The following NRXN2 variants were observed in gnomAD, a reference collection of about 807,000 sequenced individuals.
The protein encoded by NRXN2 is neurexin 2, also known as neurexin-2-beta.
NRXN2 carries 29 observed loss-of-function variants against 128.8 expected under a neutral mutation model. The ratio of observed to expected loss-of-function variants is 0.23; its 90% confidence interval spans 0.17 to 0.31. NRXN2 has a LOEUF of 0.31. NRXN2 is among the 10% of genes least tolerant of loss of function. NRXN2 has a pLI of 1.00. For synonymous variants in NRXN2, 1,098 were observed against 1,075.2 expected, an observed-to-expected ratio of 1.02 and a Z score of -0.41; for missense variants, 1,881 against 2,452.6, an observed-to-expected ratio of 0.77 and a Z score of 4.92.
intron 19 of NRXN2, 103 bp from the exon 20 acceptor site, chr11:64,626,655 C>T (rs963839528): frequency 1.2e-6 from 1 of 857,608 alleles, no homozygotes; most frequent in Non-Finnish European, 2.0e-6. Flanking sequence ...TAAGCAGCAA[C>T]ATCCACGGAA....
chr11:64,678,182 C>T (rs1156856214), intron 6 of NRXN2, among the ~76,000 whole-genome samples: 4 of 152,082 alleles, frequency 2.6e-5, no homozygotes. Context: ...GGAAATGTTG[C>T]CCTCCACGGA....
At chr11:64,715,572 G>C (rs1018883135) in intron 1 of NRXN2, among the ~76,000 whole-genome samples, 1 of 152,116 alleles carries the variant, frequency 6.6e-6, no homozygotes, top group African/African-American at 2.4e-5. Context: ...AGGAAGATGG[G>C]GCAGAAAAGG....
At chr11:64,688,482 G>C in intron 5 of NRXN2, 1 of 985,454 alleles carries the variant, frequency 1.0e-6, no homozygotes, top group Non-Finnish European at 1.2e-6. Context: ...GACTGGTGGA[G>C]GGATTCTACT....
chr11:64,638,134 A>T (rs2045058610), intron 17 of NRXN2, among the ~76,000 whole-genome samples: 1 of 152,120 alleles, frequency 6.6e-6, no homozygotes, highest in Admixed American at 6.5e-5. Context: ...GACAGGGCGC[A>T]CGCGTCCCCG....
chr11:64,708,098 CA>C (rs1333066704), intron 2 of NRXN2, among the ~76,000 whole-genome samples: 1,322 of 128,076 alleles, frequency 0.01, 9 homozygotes, highest in African/African-American at 0.031. Flanking sequence ...AACTCCGTCT[CA>C]AAAAAAAAAA....
At chr11:64,641,069 G>A (rs778680484) in intron 17 of NRXN2, among the ~76,000 whole-genome samples, 11 of 152,132 alleles carry the variant, frequency 7.2e-5, no homozygotes, top group African/African-American at 1.7e-4. Flanking sequence ...GGTACAAAGC[G>A]AGAACTGATG....
At chr11:64,663,983 G>T (rs747597264) in intron 9 of NRXN2, among the ~76,000 whole-genome samples, 1 of 152,216 alleles carries the variant, frequency 6.6e-6, no homozygotes, top group Non-Finnish European at 1.5e-5. Context: ...CGGAGGTACC[G>T]AGAGTAGCCA....
Position 64,651,114 on chromosome 11 carries a change from C to G in NRXN2, c.2918+141G>C, listed in dbSNP as rs139449221. ...CATCTTGGCTGAAGAGGGAGCCTCT[C>G]GACTTACGGTCGGGGACCTGAATCT... On this transcript the variant is annotated intron_variant, in intron 14 of 22. Transcript: ENST00000265459. This position sits in a 1 kb window ranked among gnomAD's most constrained non-coding sequence, Gnocchi z 5.9. 5.2e-6 allele frequency: 6 copies of G among 1,163,540 alleles called. No individual in the cohort carries two copies. Among genetic ancestry groups the G allele is most frequent in the Non-Finnish European group, 7.5e-6 (6 of 798,572 alleles). The allele number at this position is 1,163,540 out of a possible 1,614,324, so 72.1% of individuals were successfully genotyped here.
rs566949975 is a variant in NRXN2, at chr11:64,702,991, A to G, written c.731-5199T>C. On this transcript the variant is annotated intron_variant, in intron 2 of 22. Coordinates refer to ENST00000265459, the MANE Select transcript of NRXN2 (RefSeq NM_015080.4). ...GTCTCTAAAAAAAAAAAAAAAAAAA[A>G]AAAGAAAGAAAGAATTAAAAAAAAA... is the stretch of plus-strand genomic sequence containing the variant. 2.7e-4 allele frequency among the ~76,000 whole-genome samples: 41 copies of G among 149,990 alleles called. No homozygotes were observed. In the Middle Eastern group the frequency reaches 0.014, roughly 51 times the overall value.
intron 2 of NRXN2, among the ~76,000 whole-genome samples, chr11:64,704,817 G>A (rs2056049034): frequency 6.6e-6 from 1 of 152,206 alleles, no homozygotes; most frequent in African/African-American, 2.4e-5. Flanking sequence ...TGACAGTTTG[G>A]CATAATACCT....
At chr11:64,626,118 C>A (rs2043036480) in intron 20 of NRXN2, among the ~76,000 whole-genome samples, 1 of 152,164 alleles carries the variant, frequency 6.6e-6, no homozygotes, top group Non-Finnish European at 1.5e-5. Flanking sequence ...AACCTACCTC[C>A]AAGCTGCATT....
intron 2 of NRXN2, among the ~76,000 whole-genome samples, chr11:64,700,175 TG>T (rs1184499424): frequency 6.6e-6 from 1 of 152,210 alleles, no homozygotes; most frequent in African/African-American, 2.4e-5. Flanking sequence ...TCCTCAGTGA[TG>T]GCTCATTTTC....
At chr11:64,643,744 G>C (rs1211831218) in intron 17 of NRXN2, among the ~76,000 whole-genome samples, 1 of 151,782 alleles carries the variant, frequency 6.6e-6, no homozygotes. Flanking sequence ...CCTCTCCTCT[G>C]CGCGCGCCCG....
At chr11:64,624,780 A>C (rs1489341767) in intron 20 of NRXN2, among the ~76,000 whole-genome samples, 2 of 152,232 alleles carry the variant, frequency 1.3e-5, no homozygotes, top group Non-Finnish European at 2.9e-5. Context: ...ATCTCATGGG[A>C]CTGTTTCACA....
intron 22 of NRXN2, among the ~76,000 whole-genome samples, chr11:64,608,727 A>G (rs2135257526): frequency 6.6e-6 from 1 of 152,228 alleles, no homozygotes; most frequent in East Asian, 1.9e-4. Context: ...CTCCCTGCGC[A>G]TCCTGCCTCC....
chr11:64,612,235 C>T (rs2040779889), intron 22 of NRXN2, among the ~76,000 whole-genome samples: 1 of 152,114 alleles, frequency 6.6e-6, no homozygotes, highest in Non-Finnish European at 1.5e-5. Context: ...AGACTCCTCC[C>T]TGCCAAAAGC....
chr11:64,607,564 G>A lies in NRXN2; in HGVS notation c.4771C>T (p.Arg1591Trp), dbSNP rs1442447577. 9.1e-6 allele frequency: 14 copies of A among 1,537,874 alleles called. No homozygotes were observed. In the East Asian group the frequency reaches 2.6e-4, roughly 29 times the overall value. Residue 1591 changes from arginine to tryptophan, a missense_variant, in exon 23 of 23, where the codon CGG (arginine) becomes TGG (tryptophan). Physicochemically the swap from Arg to Trp is moderately radical, Grantham distance 101. Around this residue, in one of 7 missense-constraint regions of NRXN2, gnomAD observed 310 missense variants for 318.2 expected, o/e 0.97. Transcript: ENST00000265459. ...CCGGGGCGCAGGGGAGGGGGCCTCC[G>A]CGGCTCAAAGGACGTGGGGGCCCCG... ...GPGAPTSFEPRRPPPLRPGVT... is the reference protein window; with the variant it reads ...GPGAPTSFEPWRPPPLRPGVT...
At chr11:64,610,860 G>T (rs889704359) in intron 22 of NRXN2, among the ~76,000 whole-genome samples, 1 of 152,200 alleles carries the variant, frequency 6.6e-6, no homozygotes. Flanking sequence ...AACCCTGAGT[G>T]CCTCTGGGGT....
intron 20 of NRXN2, among the ~76,000 whole-genome samples, chr11:64,625,229 C>T (rs926569186): frequency 1.3e-5 from 2 of 152,236 alleles, no homozygotes; most frequent in Non-Finnish European, 2.9e-5. Flanking sequence ...CAAGTTGTCC[C>T]AGCCTCAGCC....
Sources: gnomAD v4.1 joint callset for allele counts (sites outside exome capture counted in the v4.1 genomes callset) on GRCh38, gnomAD v4.1.1 for gene constraint, gnomAD v4.1.1 regional missense constraint, Gnocchi (gnomAD v3.1) non-coding constraint, MANE v1.5 for transcripts, NCBI Gene and HGNC (gene_info 2026-07-23, HGNC 2026-07-21) for gene names.